BICD1: variants seen among roughly 807,000 people sequenced by gnomAD.
BICD1 encodes the protein protein bicaudal D homolog 1.
A neutral mutation model predicts 92.5 loss-of-function variants in BICD1; 35 were observed. The observed-to-expected ratio is 0.38, with a 90% CI of 0.29 to 0.50. The LOEUF is 0.50. Among genes scored for constraint, BICD1 ranks in the 20% least tolerant of loss-of-function variants. BICD1 has a pLI of 0.93. For synonymous variants in BICD1, 429 were observed against 465.1 expected, an observed-to-expected ratio of 0.92 and a Z score of 1.00; for missense variants, 950 against 1,189.8, an observed-to-expected ratio of 0.80 and a Z score of 2.97.
chr12:32,361,791 A>G (rs1042819055), intron 8 of BICD1, among the ~76,000 whole-genome samples: 1 of 152,022 alleles, frequency 6.6e-6, no homozygotes, highest in African/African-American at 2.4e-5. Context: ...GCTACAGGAG[A>G]CTGTTTGCCA....
At chr12:32,122,518 A>T (rs1388032350) in intron 1 of BICD1, among the ~76,000 whole-genome samples, 1 of 151,990 alleles carries the variant, frequency 6.6e-6, no homozygotes, top group Non-Finnish European at 1.5e-5. Flanking sequence ...TAACAAAAAA[A>T]GAAGTAGAAC....
At chr12:32,125,055 C>G (rs552251601) in intron 1 of BICD1, among the ~76,000 whole-genome samples, 2 of 152,302 alleles carry the variant, frequency 1.3e-5, no homozygotes, top group South Asian at 4.1e-4. Flanking sequence ...GCCTTCTGGG[C>G]TCCTGTGAAT....
At chr12:32,286,564 G>A (rs1345804435) in intron 2 of BICD1, among the ~76,000 whole-genome samples, 1 of 152,064 alleles carries the variant, frequency 6.6e-6, no homozygotes, top group African/African-American at 2.4e-5. Flanking sequence ...ATTGCCCAAG[G>A]AACAGAAGGC....
At chr12:32,226,038 T>G (rs1655230055) in intron 2 of BICD1, among the ~76,000 whole-genome samples, 1 of 152,268 alleles carries the variant, frequency 6.6e-6, no homozygotes, top group Admixed American at 6.5e-5. Flanking sequence ...CATGTGCTTG[T>G]TTGCCTTCCA....
At chr12:32,287,423 G>C (rs1197048734) in intron 2 of BICD1, among the ~76,000 whole-genome samples, 1 of 151,872 alleles carries the variant, frequency 6.6e-6, no homozygotes, top group African/African-American at 2.4e-5. Context: ...ATGTATTACT[G>C]TATTGATTAT....
At chr12:32,129,242 A>G (rs1192356849) in intron 1 of BICD1, among the ~76,000 whole-genome samples, 1 of 150,256 alleles carries the variant, frequency 6.7e-6, no homozygotes, top group Admixed American at 6.6e-5. Flanking sequence ...AATTTTTTGT[A>G]GGCCGGGCAT....
chr12:32,382,387 A>G lies in BICD1; in HGVS notation c.*4760A>G, dbSNP rs1353864274. On this transcript the variant is annotated 3_prime_UTR_variant, in exon 10 of 10. Coordinates refer to ENST00000652176, the MANE Select transcript of BICD1 (RefSeq NM_001714.4). ...GAAATATGCAATGTAAAATGTTTGC[A>G]TGAATTATTTCACATCATGTAAGCT... 2 of 152,160 alleles carry G rather than the reference A, an allele frequency of 1.3e-5. No individual in the cohort carries two copies. The highest frequency in any genetic ancestry group is 2.9e-5 in the Non-Finnish European group (2 of 67,974). The allele number at this position is 152,160 out of a possible 1,614,324, so 9.4% of individuals were successfully genotyped here. A position where few individuals can be genotyped will look rare whatever the true frequency, so the allele number is the denominator to read the frequency against.
chr12:32,126,245 G>T (rs998183482), intron 1 of BICD1, among the ~76,000 whole-genome samples: 2 of 151,964 alleles, frequency 1.3e-5, no homozygotes, highest in Non-Finnish European at 2.9e-5. Context: ...AACTGGATGT[G>T]GTGGGAAAAA....
chr12:32,203,498 A>C (rs1169857934), intron 1 of BICD1, among the ~76,000 whole-genome samples: 2 of 152,168 alleles, frequency 1.3e-5, no homozygotes, highest in Non-Finnish European at 2.9e-5. Context: ...TGGTCTAAGA[A>C]GAATGTGTGT....
chr12:32,116,463 T>C (rs1256414465), intron 1 of BICD1, among the ~76,000 whole-genome samples: 2 of 53,326 alleles, frequency 3.8e-5, no homozygotes, highest in East Asian at 8.1e-4. Flanking sequence ...TGTCTGTCTG[T>C]CTCTCTCTCT....
intron 8 of BICD1, among the ~76,000 whole-genome samples, chr12:32,356,214 A>G (rs1024506614): frequency 9.2e-5 from 14 of 152,212 alleles, no homozygotes; most frequent in South Asian, 2.1e-4. Context: ...AACTGAGGCT[A>G]AGAACAGTTA....
At position 32,327,380 on chromosome 12, in the gene BICD1, T is replaced by A; in HGVS notation, c.1006-81T>A. 7 of 1,492,622 alleles carry A rather than the reference T, an allele frequency of 4.7e-6. No homozygotes were observed. In the South Asian group the frequency reaches 9.7e-5, roughly 21 times the overall value. The allele number at this position is 1,492,622 out of a possible 1,614,324, so 92.5% of individuals were successfully genotyped here. On this transcript the variant is annotated intron_variant, in intron 4 of 9. Transcript: ENST00000652176. ...CTCTGCTGCAGTGATTTTAAGTGTA[T>A]ACATGCCCGACTGTGAATGGATTAA... is the stretch of plus-strand genomic sequence containing the variant.
intron 9 of BICD1, chr12:32,368,015 T>C: frequency 2.8e-6 from 1 of 353,976 alleles, no homozygotes; most frequent in Non-Finnish European, 5.2e-6. Context: ...CTTGGATTAG[T>C]CCACTGTTTC....
intron 2 of BICD1, among the ~76,000 whole-genome samples, chr12:32,234,921 G>A (rs1946018537): frequency 6.6e-6 from 1 of 152,100 alleles, no homozygotes; most frequent in African/African-American, 2.4e-5. Flanking sequence ...TTGGGCTCAA[G>A]CAGTCTGCCT....
chr12:32,182,886 CTTTCTTTTT>C (rs1944317714), intron 1 of BICD1, among the ~76,000 whole-genome samples: 1 of 80,418 alleles, frequency 1.2e-5, no homozygotes, highest in South Asian at 4.1e-4. Context: ...TCTTTTCTTT[CTTTCTTTTT>C]TTTTTTTTTT....
chr12:32,293,475 G>T (rs1462412502), intron 2 of BICD1, among the ~76,000 whole-genome samples: 1 of 108,394 alleles, frequency 9.2e-6, no homozygotes, highest in Non-Finnish European at 1.9e-5. Flanking sequence ...CCACCACCAC[G>T]CCTGGCTAAT....
At chr12:32,186,073 A>G (rs1278214573) in intron 1 of BICD1, among the ~76,000 whole-genome samples, 4 of 152,204 alleles carry the variant, frequency 2.6e-5, no homozygotes, top group Non-Finnish European at 5.9e-5. Context: ...CAATGTTTCC[A>G]GGAGAACCTC....
At chr12:32,351,892 G>C (rs1938900570) in intron 8 of BICD1, among the ~76,000 whole-genome samples, 1 of 148,056 alleles carries the variant, frequency 6.8e-6, no homozygotes, top group Non-Finnish European at 1.5e-5. Flanking sequence ...CTGGACTACA[G>C]AGCGAGACTC....
chr12:32,370,860 T>C (rs1338238696), intron 9 of BICD1, among the ~76,000 whole-genome samples: 1 of 152,168 alleles, frequency 6.6e-6, no homozygotes, highest in Non-Finnish European at 1.5e-5. Context: ...GAAGAAAGCG[T>C]GGAGCGGGCT....
Sources: gnomAD v4.1 joint callset for allele counts (sites outside exome capture counted in the v4.1 genomes callset) on GRCh38, gnomAD v4.1.1 for gene constraint, MANE v1.5 for transcripts, NCBI Gene and HGNC (gene_info 2026-07-23, HGNC 2026-07-21) for gene names.